Variants in WDR91 observed in about 807,000 individuals in gnomAD.
WDR91 encodes WD repeat domain 91, also known as WD repeat-containing protein 91.
A neutral mutation model predicts 88.4 loss-of-function variants in WDR91; 52 were observed. The ratio of observed to expected loss-of-function variants is 0.59; its 90% CI spans 0.47 to 0.74. The LOEUF (loss-of-function observed/expected upper bound fraction) is 0.74, where lower values mean the gene tolerates loss of function less well. Ranked by LOEUF, WDR91 falls within the 30% of genes least tolerant of loss-of-function variation. WDR91 has a pLI of 0.00. For missense variants in WDR91, 824 were observed against 954.5 expected, an observed-to-expected ratio of 0.86 and a Z score of 1.80; for synonymous variants, 362 against 389.5, an observed-to-expected ratio of 0.93 and a Z score of 0.83.
rs1831449786 is a variant in WDR91, at chr7:135,198,284, G to T, written c.892-133C>A. On this transcript the variant is annotated intron_variant, in intron 6 of 14. Coordinates refer to ENST00000354475, the MANE Select transcript of WDR91 (RefSeq NM_014149.4). ...AGGTGGTTAAAATGGTGTTGGCTCA[G>T]CTATGTAGGTGAGGTCATAGTCAGC... 4 of 1,052,956 alleles carry T rather than the reference G, an allele frequency of 3.8e-6. No individual in the cohort carries two copies. The South Asian group carries it at 6.6e-5, about 17-fold the overall frequency. The allele number at this position is 1,052,956 out of a possible 1,614,324, so 65.2% of individuals were successfully genotyped here. A position where few individuals can be genotyped will look rare whatever the true frequency, so the allele number is the denominator to read the frequency against.
Position 135,204,262 on chromosome 7 carries a change from G to A in WDR91, c.891+6C>T, listed in dbSNP as rs779172944. On this transcript the variant is annotated splice_donor_region_variant and intron_variant, in intron 6 of 14. Coordinates refer to ENST00000354475, the MANE Select transcript of WDR91 (RefSeq NM_014149.4). ...CCAGAGTTAGAGAGGCAGGACTTGT[G>A]CTTACCTGACCACCGAAGGACTCTT... 2 of 1,613,724 alleles carry A rather than the reference G, an allele frequency of 1.2e-6. No individual in the cohort carries two copies. The highest frequency in any genetic ancestry group is 1.7e-5 in the Admixed American group (1 of 60,000).
chr7:135,207,729 G>A lies in WDR91; in HGVS notation c.512-527C>T, dbSNP rs138388133. ...ATTGCGTGGCCACCCCAAGAACAAC[G>A]ACAGTCTATAGCTTGGGATACTGGT... On this transcript the variant is annotated intron_variant, in intron 3 of 14. Transcript: ENST00000354475. Among the ~76,000 whole-genome samples, 488 of 152,336 alleles carry A rather than the reference G, an allele frequency of 3.2e-3. 1 individual carries two copies. The highest frequency in any genetic ancestry group is 0.011 in the African/African-American group (452 of 41,584).
intron 2 of WDR91, 199 bp downstream of exon 2, chr7:135,209,377 G>T: frequency 2.0e-6 from 1 of 492,112 alleles, no homozygotes; most frequent in Non-Finnish European, 3.4e-6. Flanking sequence ...AATAGGAATG[G>T]GGAAGACAAG....
intron 6 of WDR91, chr7:135,199,879 T>C (rs1454616570): frequency 1.3e-5 from 2 of 152,232 alleles, no homozygotes; most frequent in Non-Finnish European, 2.9e-5. Context: ...TTCCTCTGGC[T>C]TATTTGAAAG....
chr7:135,211,445 C>T lies in WDR91; in HGVS notation c.58G>A (p.Gly20Arg), dbSNP rs780856081. Residue 20 changes from glycine (G) to arginine (R), a missense_variant, in exon 1 of 15, where the codon GGG (glycine) becomes AGG (arginine). Physicochemically the swap from Gly to Arg is moderately radical, Grantham distance 125 (BLOSUM62 -2). Coordinates refer to ENST00000354475, the MANE Select transcript of WDR91 (RefSeq NM_014149.4). ...AGCTGCCGCAGTGTGTGCGTGAACC[C>T]GCGGAAGAGCAGGTACTCCCGGACC... ...ELVREYLLFRGFTHTLRQLDA... is the reference protein window; with the variant it reads ...ELVREYLLFRRFTHTLRQLDA... 5 of 1,612,506 alleles carry T rather than the reference C, an allele frequency of 3.1e-6. No homozygotes were observed. In the Admixed American group the frequency reaches 8.3e-5, roughly 27 times the overall value.
chr7:135,211,036 T>C (rs1831997432), intron 1 of WDR91: 3 of 653,008 alleles, frequency 4.6e-6, no homozygotes, highest in East Asian at 5.4e-5. Flanking sequence ...AACACGAATA[T>C]CTGTTGCCAA....
At chr7:135,210,538 C>G (rs1210485134) in intron 1 of WDR91, among the ~76,000 whole-genome samples, 1 of 152,210 alleles carries the variant, frequency 6.6e-6, no homozygotes, top group African/African-American at 2.4e-5. Flanking sequence ...GGTAGCTGCT[C>G]AGAGTGTCAG....
At chr7:135,205,115 C>G (rs535922298) in intron 5 of WDR91, among the ~76,000 whole-genome samples, 1 of 113,514 alleles carries the variant, frequency 8.8e-6, no homozygotes, top group Non-Finnish European at 1.9e-5. Flanking sequence ...TCAACCACTA[C>G]TATTATTATC....
rs1830877652 is a variant in WDR91 at position 135,184,873 on chromosome 7, C to T, written c.*1278G>A. 6.7e-6 allele frequency: 1 copy of T among 150,310 alleles called. No homozygotes were observed. The highest frequency in any genetic ancestry group is 6.7e-5 in the Admixed American group (1 of 15,018). The allele number at this position is 150,310 out of a possible 1,614,324, so 9.3% of individuals were successfully genotyped here. ...CGTCCTTAACCCAAAGATCCAAAAT[C>T]AAAAATGCTCCATAACCCAAAACTT... On this transcript the variant is annotated 3_prime_UTR_variant, in exon 15 of 15. Coordinates refer to ENST00000354475, the MANE Select transcript of WDR91 (RefSeq NM_014149.4).
At chr7:135,188,583 G>C in intron 12 of WDR91, 38 bp from the exon 13 acceptor site, 1 of 1,562,298 alleles carries the variant, frequency 6.4e-7, no homozygotes, top group East Asian at 2.2e-5. Flanking sequence ...ATCCTGGCCA[G>C]GGCTCTGCAG....
At chr7:135,207,279 C>T (rs1831831143) in intron 3 of WDR91, 77 bp from the exon 4 acceptor site, 3 of 1,202,308 alleles carry the variant, frequency 2.5e-6, no homozygotes, top group African/African-American at 1.5e-5. Flanking sequence ...ACCAGTAAAA[C>T]ACATGAGACA....
chr7:135,186,954 C>A lies in WDR91; in HGVS notation c.2079+18G>T, dbSNP rs771859269. On this transcript the variant is annotated intron_variant, in intron 14 of 14. Coordinates refer to ENST00000354475, the MANE Select transcript of WDR91 (RefSeq NM_014149.4). Reference sequence around the variant, plus strand: ...CCCACCACAATACCACTACCTCCCACCCCCAACCATCAGTTACCTTGTAGA... The same window carrying A: ...CCCACCACAATACCACTACCTCCCAACCCCAACCATCAGTTACCTTGTAGA... 6.2e-6 allele frequency: 10 copies of A among 1,612,762 alleles called. No individual in the cohort carries two copies.
rs573583277 is a variant in WDR91, at chr7:135,186,957, C to G, written c.2079+15G>C. On this transcript the variant is annotated intron_variant, in intron 14 of 14. Coordinates refer to ENST00000354475, the MANE Select transcript of WDR91 (RefSeq NM_014149.4). Reference sequence around the variant, plus strand: ...ACCACAATACCACTACCTCCCACCCCCAACCATCAGTTACCTTGTAGATGA... The same window carrying G: ...ACCACAATACCACTACCTCCCACCCGCAACCATCAGTTACCTTGTAGATGA... The G allele has an allele frequency of 3.1e-6, 5 of 1,612,928 alleles. No homozygotes were observed. In the African/African-American group the frequency reaches 4.0e-5, roughly 13 times the overall value.
rs777254234 is a variant in WDR91, at chr7:135,198,049, G to A, written c.994C>T (p.Arg332Cys). ...ESGWSQHRQRRLQDHGKERKE... is the reference protein window; with the variant it reads ...ESGWSQHRQRCLQDHGKERKE... Reference sequence around the variant, plus strand: ...CTCTCCTTGCCATGGTCCTGCAGGCGCCGCTGCCGGTGCTGTGACCAACCG... The same window carrying A: ...CTCTCCTTGCCATGGTCCTGCAGGCACCGCTGCCGGTGCTGTGACCAACCG... Residue 332 changes from arginine to cysteine, a missense_variant, in exon 7 of 15, where the codon CGC (arginine) becomes TGC (cysteine). By Grantham distance (180) the Arg-to-Cys change is radical. Coordinates refer to ENST00000354475, the MANE Select transcript of WDR91 (RefSeq NM_014149.4). The A allele has an allele frequency of 2.6e-5, 42 of 1,614,054 alleles. No homozygotes were observed. The highest frequency in any genetic ancestry group is 8.3e-5 in the Admixed American group (5 of 60,002).
Position 135,194,985 on chromosome 7 carries a change from A to T in WDR91, c.1344T>A (p.Ile448=), listed in dbSNP as rs145791542. Residue 448 remains isoleucine, a synonymous_variant, in exon 9 of 15, where the codon ATT becomes ATA. Transcript: ENST00000354475. ...NPIMQTKASS[I]SKSPLLSLEW... is the part of the protein sequence containing the mutation. ...CCAAAGACAGCAGCGGTGATTTGGA[A>T]ATGGAGGATGCTTTGGTCTGCATGA... 1.9e-6 allele frequency: 3 copies of T among 1,614,146 alleles called. No individual in the cohort carries two copies. The East Asian group carries it at 6.7e-5, about 36-fold the overall frequency.
At chr7:135,203,808 A>G (rs1831660784) in intron 6 of WDR91, among the ~76,000 whole-genome samples, 1 of 152,176 alleles carries the variant, frequency 6.6e-6, no homozygotes, top group Non-Finnish European at 1.5e-5. Context: ...TACTACTTCA[A>G]CCAGAAAGCA....
intron 1 of WDR91, among the ~76,000 whole-genome samples, chr7:135,211,175 A>T (rs1369782400): frequency 6.6e-6 from 1 of 152,018 alleles, no homozygotes; most frequent in South Asian, 2.1e-4. Context: ...GATGCTCCTG[A>T]CTCGGGGGGC....
At chr7:135,188,770 T>G (rs1831049240) in intron 12 of WDR91, among the ~76,000 whole-genome samples, 1 of 152,156 alleles carries the variant, frequency 6.6e-6, no homozygotes, top group Admixed American at 6.5e-5. Context: ...GAAGTGAGGC[T>G]CAGGAGTCCC....
intron 6 of WDR91, among the ~76,000 whole-genome samples, chr7:135,201,318 A>G (rs1831560159): frequency 6.7e-6 from 1 of 150,194 alleles, no homozygotes; most frequent in African/African-American, 2.5e-5. Context: ...AGATCCTAGA[A>G]GGGCTTGGGA....
Sources: gnomAD v4.1 joint callset for allele counts (sites outside exome capture counted in the v4.1 genomes callset) on GRCh38, gnomAD v4.1.1 for gene constraint, MANE v1.5 for transcripts, NCBI Gene and HGNC (gene_info 2026-07-23, HGNC 2026-07-21) for gene names.